Variants in MAP4K3 observed in about 807,000 individuals in gnomAD.
MAP4K3 encodes the protein mitogen-activated protein kinase kinase kinase kinase 3.
Under a neutral mutation model 143.5 loss-of-function variants are expected in MAP4K3, and 94 were observed. The observed-to-expected ratio is 0.65, with a 90% CI of 0.55 to 0.78. The LOEUF is 0.78. Among genes scored for constraint, MAP4K3 ranks in the 30% least tolerant of loss-of-function variants. The probability of loss-of-function intolerance (pLI) is 0.00; values close to 1 mark genes in which losing one functional copy is unlikely to be tolerated. For synonymous variants in MAP4K3, 416 were observed against 347.2 expected (o/e 1.20, Z -2.20); for missense variants, 1,077 against 1,068.1 (o/e 1.01, Z -0.12).
intron 13 of MAP4K3, among the ~76,000 whole-genome samples, chr2:39,312,065 T>C (rs1204886760): frequency 1.3e-5 from 2 of 152,116 alleles, no homozygotes; most frequent in Non-Finnish European, 2.9e-5. Flanking sequence ...AGATTTAAAA[T>C]AAAAATATGG....
At chr2:39,311,042 C>T (rs766173229) in intron 13 of MAP4K3, among the ~76,000 whole-genome samples, 5 of 152,160 alleles carry the variant, frequency 3.3e-5, no homozygotes, top group Non-Finnish European at 7.4e-5. Flanking sequence ...TAACTTGCTA[C>T]TTTGTTGTGA....
intron 2 of MAP4K3, among the ~76,000 whole-genome samples, chr2:39,357,467 C>G (rs1268595724): frequency 6.6e-6 from 1 of 152,196 alleles, no homozygotes; most frequent in Non-Finnish European, 1.5e-5. Flanking sequence ...TTTGCTACTG[C>G]AAATGTAATT....
At chr2:39,344,151 T>C (rs1346080511) in intron 3 of MAP4K3, among the ~76,000 whole-genome samples, 1 of 152,188 alleles carries the variant, frequency 6.6e-6, no homozygotes, top group Admixed American at 6.5e-5. Flanking sequence ...TATATGTCTG[T>C]CTCTCTCACC....
In MAP4K3 at chr2:39,290,845, C is replaced by A. The variant is rs142446675; in HGVS notation, c.1272-511G>T. ...CAGCACTTTGGGAGGCCGAGGTGGG[C>A]AGATCACGAGGTCAGGAAATCAAGA... On this transcript the variant is annotated intron_variant, in intron 18 of 33. Coordinates refer to ENST00000263881, the MANE Select transcript of MAP4K3 (RefSeq NM_003618.4). 3.6e-3 allele frequency among the ~76,000 whole-genome samples: 551 copies of A among 152,168 alleles called. 2 individuals are homozygous for A. The highest frequency in any genetic ancestry group is 5.3e-3 in the Non-Finnish European group (358 of 67,994).
chr2:39,339,749 C>G lies in MAP4K3; in HGVS notation c.311-2168G>C, dbSNP rs573854481. Among the ~76,000 whole-genome samples, 11 of 152,188 alleles carry G rather than the reference C, an allele frequency of 7.2e-5. No individual in the cohort carries two copies. In the East Asian group the frequency reaches 1.7e-3, roughly 24 times the overall value. Reference sequence around the variant, plus strand: ...ATTTGTCACCATAGGCCTCCTTACTCAGGTTGAGCATTCAAATATATATTG... The same window carrying G: ...ATTTGTCACCATAGGCCTCCTTACTGAGGTTGAGCATTCAAATATATATTG... On this transcript the variant is annotated intron_variant, in intron 4 of 33. Coordinates refer to ENST00000263881, the MANE Select transcript of MAP4K3 (RefSeq NM_003618.4).
At position 39,271,121 on chromosome 2, in the gene MAP4K3, A is replaced by G. The variant is rs145192055; in HGVS notation, c.1973+1162T>C. 1.8e-4 allele frequency among the ~76,000 whole-genome samples: 27 copies of G among 152,328 alleles called. No homozygotes were observed. In the East Asian group the frequency reaches 5.0e-3, roughly 28 times the overall value. On this transcript the variant is annotated intron_variant, in intron 26 of 33. Transcript: ENST00000263881. ...AGGATTTAAATTCAACTTTACTTGAATTCCAAAGCTTATGCTTTATTAAAA... is the reference window on the plus strand; with the variant it reads ...AGGATTTAAATTCAACTTTACTTGAGTTCCAAAGCTTATGCTTTATTAAAA...
At chr2:39,381,988 G>A (rs1666366858) in intron 1 of MAP4K3, among the ~76,000 whole-genome samples, 1 of 152,190 alleles carries the variant, frequency 6.6e-6, no homozygotes, top group Non-Finnish European at 1.5e-5. Context: ...TAAAATGGAA[G>A]TGGACTGGTG....
intron 28 of MAP4K3, among the ~76,000 whole-genome samples, chr2:39,261,462 T>C (rs527747951): frequency 2.0e-5 from 3 of 152,234 alleles, no homozygotes; most frequent in South Asian, 4.1e-4. Context: ...ACCCACCGAA[T>C]GGCTAAAATT....
intron 1 of MAP4K3, among the ~76,000 whole-genome samples, chr2:39,424,770 G>A (rs889735219): frequency 4.7e-5 from 7 of 147,920 alleles, no homozygotes; most frequent in Admixed American, 6.8e-5. Context: ...GGTTGAGGCT[G>A]CAGTGAGCCT....
chr2:39,338,865 C>A (rs1314760726), intron 4 of MAP4K3, among the ~76,000 whole-genome samples: 1 of 152,190 alleles, frequency 6.6e-6, no homozygotes, highest in Non-Finnish European at 1.5e-5. Flanking sequence ...TGGGTCCTTG[C>A]CAGACACCAA....
chr2:39,357,850 T>C (rs1318685147), intron 2 of MAP4K3, among the ~76,000 whole-genome samples: 3 of 152,228 alleles, frequency 2.0e-5, no homozygotes, highest in South Asian at 2.1e-4. Context: ...CCCAAAATTA[T>C]ACTTTTAGTC....
chr2:39,326,420 A>C (rs1188096649), intron 8 of MAP4K3, 143 bp from the exon 9 acceptor site: 5 of 754,882 alleles, frequency 6.6e-6, no homozygotes, highest in African/African-American at 3.5e-5. Context: ...GCAGTACTTA[A>C]AAGGTCCACC....
chr2:39,377,000 T>G (rs975433830), intron 2 of MAP4K3, among the ~76,000 whole-genome samples: 1 of 152,162 alleles, frequency 6.6e-6, no homozygotes, highest in Non-Finnish European at 1.5e-5. Flanking sequence ...TATGTATAAC[T>G]GGAAAATTTT....
At chr2:39,343,502 T>G in intron 3 of MAP4K3, 50 bp from the exon 4 acceptor site, 1 of 1,447,536 alleles carries the variant, frequency 6.9e-7, no homozygotes. Flanking sequence ...TAAAACTGTC[T>G]GTGTGAGGTA....
At chr2:39,340,757 T>C (rs986962760) in intron 4 of MAP4K3, among the ~76,000 whole-genome samples, 3 of 151,902 alleles carry the variant, frequency 2.0e-5, no homozygotes, top group African/African-American at 7.3e-5. Context: ...GAAAAAATAA[T>C]GGAGGGAGAT....
chr2:39,364,340 T>C (rs963962185), intron 2 of MAP4K3, among the ~76,000 whole-genome samples: 3 of 152,354 alleles, frequency 2.0e-5, no homozygotes, highest in Non-Finnish European at 4.4e-5. Context: ...ACATAATGGT[T>C]ATAGTTAACA....
At chr2:39,258,490 AAG>A in intron 30 of MAP4K3, 27 bp downstream of exon 30, 3 of 1,599,756 alleles carry the variant, frequency 1.9e-6, no homozygotes, top group Non-Finnish European at 2.6e-6. Context: ...AGTCTTATTA[AAG>A]TAAGACATTC....
At chr2:39,276,860 G>A (rs1456655412) in intron 24 of MAP4K3, among the ~76,000 whole-genome samples, 1 of 152,148 alleles carries the variant, frequency 6.6e-6, no homozygotes, top group East Asian at 1.9e-4. Context: ...AGAGAAATGG[G>A]GAATGACCAC....
chr2:39,404,863 C>T lies in MAP4K3; in HGVS notation c.97-26740G>A, dbSNP rs181608405. ...CTCGAACTCCCAACCTCAGGGGATC[C>T]GCCCGCCTTGGCCTCCCAAAGTGCT... On this transcript the variant is annotated intron_variant, in intron 1 of 33. Transcript: ENST00000263881. 1.8e-3 allele frequency among the ~76,000 whole-genome samples: 274 copies of T among 152,164 alleles called. 7 individuals are homozygous for T. In the East Asian group the frequency reaches 0.026, roughly 15 times the overall value.
Sources: gnomAD v4.1 joint callset for allele counts (sites outside exome capture counted in the v4.1 genomes callset) on GRCh38, gnomAD v4.1.1 for gene constraint, MANE v1.5 for transcripts, NCBI Gene and HGNC (gene_info 2026-07-23, HGNC 2026-07-21) for gene names.